RIMS2: variants seen among roughly 807,000 people sequenced by gnomAD.
The protein encoded by RIMS2 is regulating synaptic membrane exocytosis 2.
Under a neutral mutation model 174.4 loss-of-function variants are expected in RIMS2, and 59 were observed. The observed-to-expected ratio is 0.34, with a 90% CI of 0.27 to 0.42. The LOEUF is 0.42. Ranked by LOEUF, RIMS2 falls within the 10% of genes least tolerant of loss-of-function variation. The pLI is 1.00. For missense variants in RIMS2, 1,620 were observed against 1,666.3 expected (o/e 0.97, Z 0.48); for synonymous variants, 606 against 572.5 (o/e 1.06, Z -0.84).
At chr8:103,551,326 T>G (rs187944095) in intron 1 of RIMS2, among the ~76,000 whole-genome samples, 66 of 152,264 alleles carry the variant, frequency 4.3e-4, no homozygotes, top group East Asian at 1.7e-3. Context: ...ATCCATCACA[T>G]AAACAGAATC....
At chr8:103,646,010 A>G (rs569401875) in intron 1 of RIMS2, among the ~76,000 whole-genome samples, 1 of 152,034 alleles carries the variant, frequency 6.6e-6, no homozygotes, top group East Asian at 1.9e-4. Flanking sequence ...GGTAAAGGAA[A>G]ATTACAGTCA....
At chr8:103,791,437 G>C (rs928712431) in intron 3 of RIMS2, among the ~76,000 whole-genome samples, 1 of 152,066 alleles carries the variant, frequency 6.6e-6, no homozygotes, top group Non-Finnish European at 1.5e-5. Context: ...ACATGAAAAG[G>C]AACAACCCGT....
At chr8:103,586,395 A>G (rs1270500452) in intron 1 of RIMS2, among the ~76,000 whole-genome samples, 2 of 152,190 alleles carry the variant, frequency 1.3e-5, no homozygotes, top group Admixed American at 6.5e-5. Flanking sequence ...CATATCAACC[A>G]TCTTCTCTGA....
intron 1 of RIMS2, among the ~76,000 whole-genome samples, chr8:103,654,197 A>G (rs1022631472): frequency 2.6e-5 from 4 of 152,000 alleles, no homozygotes; most frequent in African/African-American, 9.6e-5. Context: ...GGTTTTGAAA[A>G]TAATCAAGAC....
intron 2 of RIMS2, among the ~76,000 whole-genome samples, chr8:103,739,462 G>A (rs554986535): frequency 6.6e-6 from 1 of 152,120 alleles, no homozygotes; most frequent in African/African-American, 2.4e-5. Flanking sequence ...ACACCAACAT[G>A]GCACATGTAT....
At position 104,175,271 on chromosome 8, in the gene RIMS2, T is replaced by C. The variant is rs185394847; in HGVS notation, c.3335-69645T>C. 4.0e-3 allele frequency among the ~76,000 whole-genome samples: 611 copies of C among 152,308 alleles called. 4 individuals carry two copies. Among genetic ancestry groups the C allele is most frequent in the African/African-American group, 0.014 (581 of 41,578 alleles). On this transcript the variant is annotated intron_variant, in intron 19 of 23. Transcript: ENST00000504942. The stretch of plus-strand genomic sequence containing the variant: ...TACACCTCAGGATCTTTACTTTCTT[T>C]CTTTTTTTAAATTTCCTGTTAACTT...
intron 1 of RIMS2, among the ~76,000 whole-genome samples, chr8:103,510,158 G>A (rs1825770197): frequency 6.6e-6 from 1 of 152,116 alleles, no homozygotes. Flanking sequence ...AGGCTTCTGG[G>A]AGGCTAAAAC....
chr8:103,607,705 T>C lies in RIMS2; in HGVS notation c.177-89381T>C, dbSNP rs1270748675. ...CTTGGAGGCTTTGCTCATTTCTTTT[T>C]ATTCTTTTTTCTCTAAACTTCCCTT... is the stretch of plus-strand genomic sequence containing the variant. On this transcript the variant is annotated intron_variant, in intron 1 of 23. Coordinates refer to ENST00000504942, the Ensembl canonical transcript of RIMS2. Among the ~76,000 whole-genome samples the C allele has an allele frequency of 3.7e-5, 5 of 136,574 alleles. No homozygotes were observed. In the East Asian group the frequency reaches 9.9e-4, roughly 27 times the overall value. The allele number at this position is 136,574 out of a possible 152,430, so 89.6% of individuals were successfully genotyped here.
At chr8:104,027,669 G>T (rs180949271) in intron 19 of RIMS2, among the ~76,000 whole-genome samples, 4 of 152,268 alleles carry the variant, frequency 2.6e-5, no homozygotes, top group Admixed American at 2.6e-4. Flanking sequence ...CCCCAAGTTA[G>T]TTCATCTGAG....
At chr8:104,233,711 G>T (rs2099243658) in intron 19 of RIMS2, among the ~76,000 whole-genome samples, 1 of 152,184 alleles carries the variant, frequency 6.6e-6, no homozygotes, top group Admixed American at 6.5e-5. Context: ...ATTTTGTAAG[G>T]TAAGCTAGTA....
intron 15 of RIMS2, among the ~76,000 whole-genome samples, chr8:103,965,803 T>G (rs2154546466): frequency 6.6e-6 from 1 of 152,244 alleles, no homozygotes; most frequent in African/African-American, 2.4e-5. Flanking sequence ...CTACATCAAC[T>G]TGAGGAAGAT....
At chr8:103,885,940 C>T in exon 4 of RIMS2, 1 of 1,613,086 alleles carries the variant, frequency 6.2e-7, no homozygotes, top group Non-Finnish European at 8.5e-7. Context: ...ATAGACCAGA[C>T]TTGAGGCGTA....
rs948969782 is a variant in RIMS2, at chr8:103,870,364, TCAC to T, written c.699-14919_699-14917del. 5.6e-4 allele frequency among the ~76,000 whole-genome samples: 84 copies of T among 151,066 alleles called. 1 individual carries two copies. Among genetic ancestry groups the T allele is most frequent in the Non-Finnish European group, 8.4e-4 (57 of 67,650 alleles). On this transcript the variant is annotated intron_variant, in intron 3 of 23. Coordinates refer to ENST00000504942, the Ensembl canonical transcript of RIMS2. ...ACCACTCTTATCACCACCACCACCA[TCAC>T]CACCACCACCACCAGCACCACCACC...
At chr8:103,913,609 A>C (rs1015873916) in intron 6 of RIMS2, among the ~76,000 whole-genome samples, 2 of 152,134 alleles carry the variant, frequency 1.3e-5, no homozygotes, top group Non-Finnish European at 2.9e-5. Flanking sequence ...AAGAGGTTTA[A>C]TCAGCTCATA....
intron 1 of RIMS2, among the ~76,000 whole-genome samples, 153 bp from the exon 3 acceptor site, chr8:103,652,471 C>T (rs549716662): frequency 6.6e-6 from 1 of 152,162 alleles, no homozygotes; most frequent in South Asian, 2.1e-4. Flanking sequence ...AATTTAATTT[C>T]CCTACATTTT....
At chr8:104,059,905 T>A (rs1040643699) in intron 19 of RIMS2, among the ~76,000 whole-genome samples, 1 of 152,232 alleles carries the variant, frequency 6.6e-6, no homozygotes, top group Non-Finnish European at 1.5e-5. Context: ...CAGCCTTGCA[T>A]CCCAGGGATG....
chr8:103,552,568 G>A (rs1848509420), intron 1 of RIMS2, among the ~76,000 whole-genome samples: 1 of 152,144 alleles, frequency 6.6e-6, no homozygotes, highest in Non-Finnish European at 1.5e-5. Context: ...AACACCAAAA[G>A]CAATGGCAAC....
intron 16 of RIMS2, among the ~76,000 whole-genome samples, chr8:103,985,180 AAG>A (rs2094246652): frequency 6.6e-6 from 1 of 152,134 alleles, no homozygotes; most frequent in South Asian, 2.1e-4. Context: ...AAATAACTAA[AAG>A]AGTATAATCG....
At chr8:103,846,393 G>T (rs1238164803) in intron 3 of RIMS2, among the ~76,000 whole-genome samples, 2 of 152,108 alleles carry the variant, frequency 1.3e-5, no homozygotes, top group Non-Finnish European at 1.5e-5. Flanking sequence ...CTAGTCAAGG[G>T]CATGGTTTCA....
Sources: allele counts gnomAD v4.1 joint callset (sites outside exome capture counted in the v4.1 genomes callset), GRCh38; gene constraint gnomAD v4.1.1; transcripts MANE v1.5; gene names NCBI Gene and HGNC (gene_info 2026-07-23, HGNC 2026-07-21).